TBL1X: variants seen among roughly 807,000 people sequenced by gnomAD.
TBL1X encodes the protein F-box-like/WD repeat-containing protein TBL1X.
Under a neutral mutation model 50.7 loss-of-function variants are expected in TBL1X, and 10 were observed. The observed-to-expected ratio is 0.20, with a 90% CI of 0.12 to 0.33. TBL1X has a LOEUF of 0.33. Among genes scored for constraint, TBL1X ranks in the 10% least tolerant of loss-of-function variants. TBL1X has a pLI of 1.00. For synonymous variants in TBL1X, 190 were observed against 214.7 expected (o/e 0.88, Z 1.01); for missense variants, 340 against 504.4 (o/e 0.67, Z 3.12).
At chrX:9,547,138 T>C (rs2082248491) in intron 2 of TBL1X, among the ~76,000 whole-genome samples, 1 of 110,371 alleles carries the variant, frequency 9.1e-6, no homozygotes, top group African/African-American at 3.3e-5. Flanking sequence ...TTTTTAAAAG[T>C]GTGTTATACG....
At chrX:9,708,578 GTTACA>G (rs1357386189) in intron 13 of TBL1X, among the ~76,000 whole-genome samples, 2 of 110,330 alleles carry the variant, frequency 1.8e-5, no homozygotes. Flanking sequence ...TGGAGGAACT[GTTACA>G]TTAAAAGTGC....
At chrX:9,565,418 T>G (rs2082346484) in intron 2 of TBL1X, among the ~76,000 whole-genome samples, 1 of 111,122 alleles carries the variant, frequency 9.0e-6, no homozygotes, top group African/African-American at 3.3e-5. Flanking sequence ...AGGGTCAGTG[T>G]AAGATTGGTG....
chrX:9,670,316 A>C (rs901157655), intron 5 of TBL1X, among the ~76,000 whole-genome samples: 1 of 110,760 alleles, frequency 9.0e-6, no homozygotes, highest in African/African-American at 3.3e-5. Flanking sequence ...GCATAAGAGG[A>C]CAGCTACAAT....
intron 2 of TBL1X, among the ~76,000 whole-genome samples, chrX:9,561,617 A>C (rs1188949388): frequency 1.8e-5 from 2 of 112,056 alleles, no homozygotes; most frequent in Non-Finnish European, 3.8e-5. Context: ...ATGAATATGG[A>C]GGTGGCGGTT....
rs189748847 is a variant in TBL1X at position 9,466,887 on chromosome X, T to C, written c.-201+1440T>C. Among the ~76,000 whole-genome samples the C allele has an allele frequency of 5.8e-3, 653 of 112,246 alleles. 5 individuals are homozygous for C. The highest frequency in any genetic ancestry group is 0.02 in the African/African-American group (612 of 30,867). Reference sequence around the variant, plus strand: ...GGTAACTAATGCAAACAACAAAAGTTGTTCATCACTGGATCACCGGCCCTT... The same window carrying C: ...GGTAACTAATGCAAACAACAAAAGTCGTTCATCACTGGATCACCGGCCCTT... On this transcript the variant is annotated intron_variant, in intron 1 of 17. Transcript: ENST00000645353.
At chrX:9,545,181 A>G (rs1388589814) in intron 2 of TBL1X, among the ~76,000 whole-genome samples, 2 of 108,729 alleles carry the variant, frequency 1.8e-5, no homozygotes, top group Non-Finnish European at 3.8e-5. Context: ...TAATTTTTGT[A>G]TTTTTAGTAG....
chrX:9,543,721 T>G (rs1427294135), intron 2 of TBL1X, among the ~76,000 whole-genome samples: 2 of 112,304 alleles, frequency 1.8e-5, no homozygotes, highest in Admixed American at 9.4e-5. Context: ...CTCTAAAGTC[T>G]TCTTTGTGCC....
At chrX:9,613,712 G>A (rs764117476) in intron 2 of TBL1X, among the ~76,000 whole-genome samples, 13 of 111,200 alleles carry the variant, frequency 1.2e-4, no homozygotes, top group East Asian at 8.5e-4. Context: ...AAGGCTGGGC[G>A]CGGTGGCTCA....
At chrX:9,690,952 C>T (rs2083092956) in intron 7 of TBL1X, among the ~76,000 whole-genome samples, 1 of 110,551 alleles carries the variant, frequency 9.0e-6, no homozygotes, top group Admixed American at 9.6e-5. Context: ...GCTATGTTGC[C>T]CAGGCTGCTG....
At chrX:9,474,693 A>G (rs1048898241) in intron 1 of TBL1X, among the ~76,000 whole-genome samples, 11 of 113,074 alleles carry the variant, frequency 9.7e-5, no homozygotes, top group Non-Finnish European at 2.1e-4. Context: ...CATTGTTTTC[A>G]TAATCACTGA....
Position 9,716,344 on chromosome X carries a change from G to C in TBL1X, c.*98G>C, listed in dbSNP as rs1569109758. 1 of 921,676 alleles carries C rather than the reference G, an allele frequency of 1.1e-6. No homozygotes were observed. Among genetic ancestry groups the C allele is most frequent in the Non-Finnish European group, 1.5e-6 (1 of 657,421 alleles). The allele number at this position is 921,676 out of a possible 1,213,427, so 76.0% of individuals were successfully genotyped here. On this transcript the variant is annotated 3_prime_UTR_variant, in exon 18 of 18. Coordinates refer to ENST00000645353, the MANE Select transcript of TBL1X (RefSeq NM_005647.4). ...CTCCAAAACTGTAGGAACTTGACTT[G>C]CGTTAGAGTGTACTCTGAAACCAAC...
At chrX:9,697,842 G>A (rs747321981) in intron 12 of TBL1X, among the ~76,000 whole-genome samples, 5 of 112,190 alleles carry the variant, frequency 4.5e-5, no homozygotes, top group East Asian at 5.6e-4. Flanking sequence ...CCAGCACTTC[G>A]GAAGGCTGAG....
chrX:9,550,209 TA>T (rs1397203942), intron 2 of TBL1X, among the ~76,000 whole-genome samples: 1 of 110,156 alleles, frequency 9.1e-6, no homozygotes, highest in African/African-American at 3.4e-5. Context: ...ATTGGGGGTG[TA>T]GGGGGTGGGG....
chrX:9,609,634 T>C (rs1430681582), intron 2 of TBL1X, among the ~76,000 whole-genome samples: 3 of 110,974 alleles, frequency 2.7e-5, no homozygotes, highest in African/African-American at 9.9e-5. Context: ...GAAATAGAAC[T>C]GGAGGGCTCT....
rs112927270 is a variant in TBL1X, at chrX:9,479,938, A to ATGTGTGTGTGTGTGTG, written c.-201+14503_-201+14518dup. 7.6e-3 allele frequency among the ~76,000 whole-genome samples: 726 copies of ATGTGTGTGTGTGTGTG among 94,954 alleles called. 10 individuals are homozygous for ATGTGTGTGTGTGTGTG. Among genetic ancestry groups the ATGTGTGTGTGTGTGTG allele is most frequent in the Non-Finnish European group, 9.4e-3 (446 of 47,403 alleles). 82.5% of individuals were successfully genotyped at this position (94,954 alleles called of 115,157 possible). A position where few individuals can be genotyped will look rare whatever the true frequency, so the allele number is the denominator to read the frequency against. ...ATGCAAGGCGTAGAAGGAAAGTAGA[A>ATGTGTGTGTGTGTGTG]TGTGTGTGTGTGTGTGTGTGTGTGT... On this transcript the variant is annotated intron_variant, in intron 1 of 17. Coordinates refer to ENST00000645353, the MANE Select transcript of TBL1X (RefSeq NM_005647.4).
chrX:9,495,422 C>G (rs927222606), intron 1 of TBL1X, among the ~76,000 whole-genome samples: 1 of 110,379 alleles, frequency 9.1e-6, no homozygotes, highest in African/African-American at 3.3e-5. Context: ...ACAGAGATTC[C>G]TGGGATAGCT....
At chrX:9,611,230 C>A (rs1444206052) in intron 2 of TBL1X, among the ~76,000 whole-genome samples, 2 of 112,361 alleles carry the variant, frequency 1.8e-5, no homozygotes, top group African/African-American at 6.5e-5. Flanking sequence ...TGTGTGCCCA[C>A]ACACTGCCAC....
At chrX:9,571,715 C>CTAAT (rs2082387401) in intron 2 of TBL1X, among the ~76,000 whole-genome samples, 2 of 112,047 alleles carry the variant, frequency 1.8e-5, no homozygotes, top group African/African-American at 6.5e-5. Flanking sequence ...ACTCTGTCCT[C>CTAAT]ATTAAACATG....
At chrX:9,648,763 A>G (rs974303668) in intron 3 of TBL1X, among the ~76,000 whole-genome samples, 1 of 112,414 alleles carries the variant, frequency 8.9e-6, no homozygotes. Flanking sequence ...GTTCTGCTAC[A>G]CTACGAATAC....
Sources: allele counts gnomAD v4.1 joint callset (sites outside exome capture counted in the v4.1 genomes callset), GRCh38; gene constraint gnomAD v4.1.1; transcripts MANE v1.5; gene names NCBI Gene and HGNC (gene_info 2026-07-23, HGNC 2026-07-21).